GPC6: variants seen among roughly 807,000 people sequenced by gnomAD.
GPC6 encodes glypican 6.
In GPC6, 14 loss-of-function variants were observed where a neutral mutation model predicts 55.2. The ratio of observed to expected loss-of-function variants is 0.25; its 90% CI spans 0.17 to 0.40. GPC6 has a LOEUF of 0.40. Ranked by LOEUF, GPC6 falls within the 10% of genes least tolerant of loss-of-function variation. GPC6 has a pLI of 1.00. For synonymous variants in GPC6, 278 were observed against 259.6 expected (o/e 1.07, Z -0.68); for missense variants, 641 against 708.5 (o/e 0.90, Z 1.08).
intron 2 of GPC6, among the ~76,000 whole-genome samples, chr13:93,551,862 C>T (rs1373028460): frequency 6.6e-6 from 1 of 152,178 alleles, no homozygotes; most frequent in Admixed American, 6.5e-5. Flanking sequence ...ACACAATTGT[C>T]TCACTACCCC....
At chr13:94,055,929 G>A (rs561433828) in intron 4 of GPC6, among the ~76,000 whole-genome samples, 13 of 152,280 alleles carry the variant, frequency 8.5e-5, no homozygotes, top group Admixed American at 6.5e-4. Flanking sequence ...TTACAAGTGG[G>A]GAGGCTGATC....
intron 1 of GPC6, among the ~76,000 whole-genome samples, chr13:93,515,457 C>A (rs1171236324): frequency 6.6e-6 from 1 of 152,262 alleles, no homozygotes; most frequent in South Asian, 2.1e-4. Context: ...GATGTCTATT[C>A]AGCAATTTCT....
intron 4 of GPC6, among the ~76,000 whole-genome samples, chr13:94,252,463 C>T (rs1429650115): frequency 6.6e-6 from 1 of 151,870 alleles, no homozygotes; most frequent in Non-Finnish European, 1.5e-5. Context: ...TATTATGTGC[C>T]CCCATGCTGG....
At chr13:93,665,349 T>C (rs1881090380) in intron 2 of GPC6, among the ~76,000 whole-genome samples, 1 of 152,216 alleles carries the variant, frequency 6.6e-6, no homozygotes, top group African/African-American at 2.4e-5. Flanking sequence ...CAGCACTCTA[T>C]GTAAAGTACT....
chr13:93,406,206 A>G (rs1004955237), intron 1 of GPC6, among the ~76,000 whole-genome samples: 1 of 152,304 alleles, frequency 6.6e-6, no homozygotes, highest in South Asian at 2.1e-4. Flanking sequence ...ACAAGCTATC[A>G]TTTTCTTCCT....
intron 2 of GPC6, among the ~76,000 whole-genome samples, chr13:93,801,523 T>G (rs1886369248): frequency 6.6e-6 from 1 of 152,126 alleles, no homozygotes; most frequent in South Asian, 2.1e-4. Flanking sequence ...TCCTGCTCAC[T>G]CGCCCAAATC....
intron 4 of GPC6, among the ~76,000 whole-genome samples, chr13:94,095,817 C>T (rs1258505990): frequency 2.0e-5 from 3 of 152,024 alleles, no homozygotes; most frequent in Non-Finnish European, 2.9e-5. Flanking sequence ...AAAGAAAAGT[C>T]GACCTATTAT....
intron 2 of GPC6, among the ~76,000 whole-genome samples, chr13:93,554,395 G>A (rs756369837): frequency 7.9e-5 from 12 of 152,024 alleles, no homozygotes; most frequent in Admixed American, 1.3e-4. Flanking sequence ...TTATTATTGC[G>A]CTGGAAATGA....
intron 1 of GPC6, among the ~76,000 whole-genome samples, chr13:93,482,977 A>G (rs549976191): frequency 2.0e-5 from 3 of 152,250 alleles, no homozygotes; most frequent in South Asian, 2.1e-4. Flanking sequence ...GGTTTTCCTT[A>G]GGAGACCGTA....
intron 6 of GPC6, among the ~76,000 whole-genome samples, chr13:94,378,428 T>C (rs895589439): frequency 6.6e-6 from 1 of 152,168 alleles, no homozygotes; most frequent in Non-Finnish European, 1.5e-5. Flanking sequence ...CTATTCTGTT[T>C]TTAGCAATCA....
At chr13:93,274,904 T>G in intron 1 of GPC6, among the ~76,000 whole-genome samples, 1 of 152,224 alleles carries the variant, frequency 6.6e-6, no homozygotes, top group East Asian at 1.9e-4. Flanking sequence ...TATCACAAAT[T>G]AGGGTCTTAC....
chr13:94,037,974 TTAATTAATGTAATTAATTAATG>T (rs1258037742), intron 4 of GPC6, among the ~76,000 whole-genome samples: 4 of 151,932 alleles, frequency 2.6e-5, no homozygotes, highest in African/African-American at 2.4e-5. Context: ...TTATTTAATT[TTAATTAATGTAATTAATTAATG>T]TAATTAATGT....
At chr13:93,969,088 C>T (rs1020964861) in intron 3 of GPC6, among the ~76,000 whole-genome samples, 9 of 152,180 alleles carry the variant, frequency 5.9e-5, no homozygotes, top group Non-Finnish European at 1.2e-4. Flanking sequence ...GAATAATCAT[C>T]TAGCACCAAC....
chr13:93,696,552 TA>T (rs369895264), intron 2 of GPC6, among the ~76,000 whole-genome samples: 1 of 150,276 alleles, frequency 6.7e-6, no homozygotes, highest in Non-Finnish European at 1.5e-5. Context: ...CTTTTTTTTT[TA>T]AAAAACAAAA....
At chr13:93,368,343 T>TCCTC (rs1491214913) in intron 1 of GPC6, among the ~76,000 whole-genome samples, 11 of 51,974 alleles carry the variant, frequency 2.1e-4, no homozygotes, top group African/African-American at 5.4e-4. Context: ...CTGCTTTCCT[T>TCCTC]CCTTCCTTCC....
At chr13:94,037,712 G>C (rs1883388056) in intron 4 of GPC6, among the ~76,000 whole-genome samples, 1 of 151,892 alleles carries the variant, frequency 6.6e-6, no homozygotes, top group African/African-American at 2.4e-5. Flanking sequence ...TTCAGTACCA[G>C]GGTTATTAAC....
intron 1 of GPC6, among the ~76,000 whole-genome samples, chr13:93,232,965 A>G (rs1876111523): frequency 6.6e-6 from 1 of 152,188 alleles, no homozygotes; most frequent in Non-Finnish European, 1.5e-5. Context: ...ACATCTTTCA[A>G]ATTACTTCTA....
intron 2 of GPC6, among the ~76,000 whole-genome samples, chr13:93,686,709 T>G (rs1169295229): frequency 6.6e-6 from 1 of 152,190 alleles, no homozygotes; most frequent in Non-Finnish European, 1.5e-5. Flanking sequence ...AAAAATTGTT[T>G]TCAAAGTTTT....
At chr13:93,766,048 A>G (rs1355297011) in intron 2 of GPC6, among the ~76,000 whole-genome samples, 2 of 152,128 alleles carry the variant, frequency 1.3e-5, no homozygotes, top group Non-Finnish European at 2.9e-5. Flanking sequence ...AAGTCATACC[A>G]TGGGTGTTCT....
Sources: allele counts gnomAD v4.1 joint callset (sites outside exome capture counted in the v4.1 genomes callset), GRCh38; gene constraint gnomAD v4.1.1; transcripts MANE v1.5; gene names NCBI Gene and HGNC (gene_info 2026-07-23, HGNC 2026-07-21).